The following ZBED4 variants were observed in gnomAD, a reference collection of about 807,000 sequenced individuals.
ZBED4 encodes the protein zinc finger BED domain-containing protein 4.
A neutral mutation model predicts 15.5 loss-of-function variants in ZBED4; 4 were observed. That is an observed-to-expected ratio of 0.26 (90% CI 0.13 to 0.59). The LOEUF (loss-of-function observed/expected upper bound fraction) is 0.59, where lower values mean the gene tolerates loss of function less well. Among genes scored for constraint, ZBED4 ranks in the 20% least tolerant of loss-of-function variants. The pLI is 0.90. For missense variants in ZBED4, 1,323 were observed against 1,461.8 expected (o/e 0.91, Z 1.55); for synonymous variants, 692 against 608.5 (o/e 1.14, Z -2.02).
intron 1 of ZBED4, among the ~76,000 whole-genome samples, chr22:49,864,179 G>T (rs531157938): frequency 2.0e-5 from 3 of 152,326 alleles, no homozygotes; most frequent in East Asian, 3.9e-4. Context: ...TGACGGCAGG[G>T]CGTTCACATG....
In ZBED4 at chr22:49,884,479, A is replaced by G; in HGVS notation, c.817A>G (p.Lys273Glu). ...TGAACCTGCAGAGAACTTAGCGGAG[A>G]AGAGCCTTCCACTTCCAAAGAGCAC... ...YDEPAENLAE[K>E]SLPLPKSTSG... Residue 273 changes from lysine to glutamate, a missense_variant, in exon 2 of 2, where the codon AAG becomes GAG. Transcript: ENST00000216268. 6.2e-7 allele frequency: 1 copy of G among 1,614,130 alleles called. No homozygotes were observed. Among genetic ancestry groups the G allele is most frequent in the Non-Finnish European group, 8.5e-7 (1 of 1,180,032 alleles).
chr22:49,853,461 C>T (rs960985908), upstream of ZBED4: 2 of 152,234 alleles, frequency 1.3e-5, no homozygotes, highest in African/African-American at 4.8e-5. Flanking sequence ...CGCTGCTAGC[C>T]GTCCCGGAAA....
intron 1 of ZBED4, among the ~76,000 whole-genome samples, chr22:49,877,232 CCTGT>C (rs917097303): frequency 3.3e-5 from 5 of 151,644 alleles, no homozygotes; most frequent in Admixed American, 1.3e-4. Context: ...TCTGACAATC[CCTGT>C]CTGTCTCAAA....
At chr22:49,856,380 C>T (rs1471751199) in intron 1 of ZBED4, among the ~76,000 whole-genome samples, 1 of 152,230 alleles carries the variant, frequency 6.6e-6, no homozygotes, top group Non-Finnish European at 1.5e-5. Flanking sequence ...CAGGTGAGAG[C>T]AGGGGTAATC....
intron 1 of ZBED4, among the ~76,000 whole-genome samples, chr22:49,858,446 TTGTTGAGAGTGCG>T (rs2060283870): frequency 6.6e-6 from 1 of 152,178 alleles, no homozygotes. Flanking sequence ...ACTCGACAGC[TTGTTGAGAGTGCG>T]TGTGCTCTGA....
chr22:49,853,722 C>G (rs1352106319), upstream of ZBED4: 4 of 150,736 alleles, frequency 2.7e-5, no homozygotes, highest in Admixed American at 6.6e-5. Flanking sequence ...CGTCCTCCCG[C>G]CCGGCCAGGG....
chr22:49,876,783 G>A (rs751565879), intron 1 of ZBED4, among the ~76,000 whole-genome samples: 8 of 152,056 alleles, frequency 5.3e-5, no homozygotes, highest in Admixed American at 3.9e-4. Context: ...AAAAGACCTC[G>A]TTCTATTTAT....
chr22:49,886,611 C>G lies in ZBED4; in HGVS notation c.2949C>G (p.Arg983=). The part of the protein sequence containing the change: ...EETMGIDTML[R]SLKEAMVSRL... ...CGATGGGCATCGACACCATGCTGCGCTCTCTGAAGGAGGCCATGGTGAGCC... is the reference window on the plus strand; with the variant it reads ...CGATGGGCATCGACACCATGCTGCGGTCTCTGAAGGAGGCCATGGTGAGCC... The change falls in exon 2 of 2, where the codon CGC becomes CGG. Residue 983 remains arginine, a synonymous_variant. Coordinates refer to ENST00000216268, the MANE Select transcript of ZBED4 (RefSeq NM_014838.3). The surrounding 1 kb of genome is among the most constrained non-coding windows in gnomAD (Gnocchi z 7.7). The G allele has an allele frequency of 3.2e-6, 5 of 1,574,116 alleles. No homozygotes were observed. Among genetic ancestry groups the G allele is most frequent in the Non-Finnish European group, 4.3e-6 (5 of 1,160,438 alleles).
intron 1 of ZBED4, among the ~76,000 whole-genome samples, chr22:49,877,842 C>T (rs1214243901): frequency 6.6e-6 from 1 of 152,106 alleles, no homozygotes; most frequent in African/African-American, 2.4e-5. Flanking sequence ...ACAGACCTGC[C>T]CTTTGGCCTC....
intron 1 of ZBED4, among the ~76,000 whole-genome samples, chr22:49,867,570 C>T (rs915672804): frequency 6.6e-6 from 1 of 152,334 alleles, no homozygotes; most frequent in South Asian, 2.1e-4. Context: ...GGACCTTGGA[C>T]CCTGACCCTC....
chr22:49,865,281 A>G (rs574433115), intron 1 of ZBED4, among the ~76,000 whole-genome samples: 28 of 152,256 alleles, frequency 1.8e-4, no homozygotes, highest in African/African-American at 6.5e-4. Flanking sequence ...TCGTTATCTT[A>G]TGTAGCCACT....
chr22:49,886,261 A>G lies in ZBED4; in HGVS notation c.2599A>G (p.Lys867Glu). The G allele has an allele frequency of 7.9e-7, 1 of 1,272,012 alleles. No individual in the cohort carries two copies. The highest frequency in any genetic ancestry group is 1.1e-6 in the Non-Finnish European group (1 of 895,346). The allele number at this position is 1,272,012 out of a possible 1,614,324, so 78.8% of individuals were successfully genotyped here. Residue 867 changes from lysine to glutamate, a missense_variant, in exon 2 of 2, where the codon AAG becomes GAG. Lys to Glu is a moderately conservative substitution (Grantham distance 56, BLOSUM62 1). Transcript: ENST00000216268. This position sits in a 1 kb window ranked among gnomAD's most constrained non-coding sequence, Gnocchi z 7.7. ...CERVHRSPKA[K>E]EKLAELQREY... is the part of the protein sequence containing the mutation. ...GCGGGTGCACCGGTCGCCCAAGGCG[A>G]AGGAGAAACTGGCCGAGCTGCAGAG...
chr22:49,853,562 G>A (rs1005375998), upstream of ZBED4, among the ~76,000 whole-genome samples: 2 of 152,242 alleles, frequency 1.3e-5, no homozygotes, highest in East Asian at 3.9e-4. Flanking sequence ...CCCAGCCAGA[G>A]CGCCTAAGCC....
intron 1 of ZBED4, among the ~76,000 whole-genome samples, chr22:49,875,167 ATGC>A (rs1045139050): frequency 6.6e-6 from 1 of 151,678 alleles, no homozygotes; most frequent in African/African-American, 2.4e-5. Flanking sequence ...TATCAGGGTA[ATGC>A]TGCTGATATA....
At chr22:49,863,598 GC>G (rs1374342513) in intron 1 of ZBED4, among the ~76,000 whole-genome samples, 1 of 150,792 alleles carries the variant, frequency 6.6e-6, no homozygotes, top group Non-Finnish European at 1.5e-5. Flanking sequence ...CCGCACTCCA[GC>G]CTGGGGACAG....
intron 1 of ZBED4, among the ~76,000 whole-genome samples, chr22:49,863,640 A>G (rs971728464): frequency 3.3e-5 from 5 of 152,178 alleles, no homozygotes; most frequent in African/African-American, 1.2e-4. Context: ...AAAAAAAAAA[A>G]AAGTGTGATG....
intron 1 of ZBED4, among the ~76,000 whole-genome samples, chr22:49,868,818 G>A (rs2060332776): frequency 6.6e-6 from 1 of 151,892 alleles, no homozygotes; most frequent in South Asian, 2.1e-4. Flanking sequence ...GGATTGAAAC[G>A]TCACGGATGC....
chr22:49,875,163 G>A (rs941555790), intron 1 of ZBED4, among the ~76,000 whole-genome samples: 4 of 151,902 alleles, frequency 2.6e-5, no homozygotes, highest in Admixed American at 2.6e-4. Context: ...TTGGTATCAG[G>A]GTAATGCTGC....
At chr22:49,881,660 T>G (rs1207548575) in intron 1 of ZBED4, among the ~76,000 whole-genome samples, 1 of 152,174 alleles carries the variant, frequency 6.6e-6, no homozygotes, top group Non-Finnish European at 1.5e-5. Context: ...AGCTTGGGAC[T>G]ACAGGCTCAC....
Sources: allele counts gnomAD v4.1 joint callset (sites outside exome capture counted in the v4.1 genomes callset), GRCh38; gene constraint gnomAD v4.1.1; non-coding constraint Gnocchi (gnomAD v3.1); transcripts MANE v1.5; gene names NCBI Gene and HGNC (gene_info 2026-07-23, HGNC 2026-07-21).